The following CUBN variants were observed in gnomAD, a reference collection of about 807,000 sequenced individuals.
CUBN encodes the protein 460 kDa receptor.
CUBN carries 282 observed loss-of-function variants against 405.3 expected under a neutral mutation model. That is an observed-to-expected ratio of 0.70 (90% CI 0.63 to 0.77). The LOEUF (loss-of-function observed/expected upper bound fraction) is 0.77, where lower values mean the gene tolerates loss of function less well. Ranked by LOEUF, CUBN falls within the 30% of genes least tolerant of loss-of-function variation. The pLI is 0.00. For missense variants in CUBN, 4,514 were observed against 4,475.2 expected (o/e 1.01, Z -0.25); for synonymous variants, 1,684 against 1,617.0 (o/e 1.04, Z -0.99).
intron 22 of CUBN, among the ~76,000 whole-genome samples, chr10:17,064,747 CAA>C (rs1835575670): frequency 6.6e-6 from 1 of 152,130 alleles, no homozygotes; most frequent in South Asian, 2.1e-4. Context: ...CATCTTACCT[CAA>C]AGACTGTGCC....
intron 54 of CUBN, among the ~76,000 whole-genome samples, 179 bp downstream of exon 54, chr10:16,898,817 G>A (rs969017474): frequency 3.3e-5 from 5 of 152,088 alleles, no homozygotes; most frequent in Non-Finnish European, 7.4e-5. Flanking sequence ...TATTAGAAAA[G>A]TAAGAAAGAA....
At chr10:16,847,733 C>T (rs1218490336) in intron 60 of CUBN, among the ~76,000 whole-genome samples, 3 of 152,132 alleles carry the variant, frequency 2.0e-5, no homozygotes, top group African/African-American at 4.8e-5. Context: ...CAATTCACTA[C>T]GTGATTCAGT....
chr10:17,018,533 G>A (rs886924181), intron 28 of CUBN, among the ~76,000 whole-genome samples: 3 of 152,220 alleles, frequency 2.0e-5, no homozygotes, highest in Non-Finnish European at 4.4e-5. Flanking sequence ...CATTAAGGTA[G>A]TGTGGACCCA....
At chr10:16,840,576 C>A in intron 61 of CUBN, 41 bp from the exon 62 acceptor site, 38 of 1,453,848 alleles carry the variant, frequency 2.6e-5, no homozygotes, top group Non-Finnish European at 3.3e-5. Context: ...ACATTTTATT[C>A]ATGTCTCATC....
At chr10:16,981,629 G>A (rs980416036) in intron 31 of CUBN, among the ~76,000 whole-genome samples, 3 of 152,136 alleles carry the variant, frequency 2.0e-5, no homozygotes, top group Non-Finnish European at 4.4e-5. Context: ...AAGCTTGGAC[G>A]CTGCCGTGGG....
chr10:16,891,914 T>C (rs367684404), intron 54 of CUBN, among the ~76,000 whole-genome samples: 1 of 152,122 alleles, frequency 6.6e-6, no homozygotes, highest in East Asian at 1.9e-4. Flanking sequence ...ATGCCCTTTC[T>C]ATCAACAGAC....
chr10:17,125,905 T>C (rs1335704296), intron 4 of CUBN, among the ~76,000 whole-genome samples: 1 of 152,120 alleles, frequency 6.6e-6, no homozygotes, highest in African/African-American at 2.4e-5. Context: ...ATTATCTAAG[T>C]GGAGAAAAGG....
chr10:16,968,778 G>C (rs1347608226), intron 31 of CUBN, among the ~76,000 whole-genome samples: 1 of 152,242 alleles, frequency 6.6e-6, no homozygotes, highest in Admixed American at 6.5e-5. Context: ...TTCGTGAAAG[G>C]AAACGTAATG....
chr10:16,866,389 T>C (rs1840184136), intron 59 of CUBN, among the ~76,000 whole-genome samples: 1 of 152,110 alleles, frequency 6.6e-6, no homozygotes, highest in Admixed American at 6.6e-5. Flanking sequence ...AAGTGATTTG[T>C]ACAGGACACA....
intron 66 of CUBN, among the ~76,000 whole-genome samples, chr10:16,825,627 C>CTG (rs1377715842): frequency 2.5e-5 from 2 of 80,628 alleles, no homozygotes; most frequent in South Asian, 4.3e-4. Context: ...TTCTGTGGAA[C>CTG]AGTGTGTGTG....
At chr10:16,829,342 G>GAAAAAAAAAAAAAA (rs71287326) in intron 65 of CUBN, among the ~76,000 whole-genome samples, 2 of 121,158 alleles carry the variant, frequency 1.7e-5, no homozygotes. Context: ...GAGCAGAATG[G>GAAAAAAAAAAAAAA]AAAAAAAAAA....
intron 31 of CUBN, among the ~76,000 whole-genome samples, chr10:16,964,935 C>T (rs1325174162): frequency 2.0e-5 from 3 of 152,210 alleles, no homozygotes; most frequent in African/African-American, 7.2e-5. Context: ...GTTCCACAAA[C>T]CCCGAAAATC....
intron 28 of CUBN, among the ~76,000 whole-genome samples, chr10:16,991,699 A>G (rs1225772737): frequency 7.1e-6 from 1 of 141,710 alleles, no homozygotes; most frequent in Non-Finnish European, 1.5e-5. Context: ...CTTATTCTTC[A>G]TCAAGGCTTT....
chr10:17,009,496 C>T (rs552841835), intron 28 of CUBN, among the ~76,000 whole-genome samples: 1 of 152,366 alleles, frequency 6.6e-6, no homozygotes, highest in South Asian at 2.1e-4. Context: ...CATGACCGTT[C>T]AATCAAGCTC....
In CUBN at chr10:16,834,692, T is replaced by C. The variant is rs572889227; in HGVS notation, c.10362+322A>G. ...GGTCTCAACTTACATATTGCCCTCTTGAGCCTTCTAGTTCCCAGACTGAGT... is the reference window on the plus strand; with the variant it reads ...GGTCTCAACTTACATATTGCCCTCTCGAGCCTTCTAGTTCCCAGACTGAGT... On this transcript the variant is annotated intron_variant, in intron 64 of 66. Coordinates refer to ENST00000377833, the MANE Select transcript of CUBN (RefSeq NM_001081.4). Among the ~76,000 whole-genome samples, 3 of 152,296 alleles carry C rather than the reference T, an allele frequency of 2.0e-5. No homozygotes were observed. The South Asian group carries it at 6.2e-4, about 32-fold the overall frequency.
chr10:17,062,429 T>C (rs1294210842), intron 22 of CUBN, among the ~76,000 whole-genome samples: 4 of 152,232 alleles, frequency 2.6e-5, no homozygotes, highest in Admixed American at 1.3e-4. Flanking sequence ...TAGTCAATTA[T>C]AGTCTCTCAG....
intron 28 of CUBN, among the ~76,000 whole-genome samples, chr10:16,993,094 A>G (rs1042325722): frequency 1.3e-5 from 2 of 152,202 alleles, no homozygotes; most frequent in African/African-American, 4.8e-5. Context: ...CTTTTACTAA[A>G]ATACATTACA....
intron 15 of CUBN, among the ~76,000 whole-genome samples, chr10:17,087,460 A>ATTTTTTTTTTTTT (rs1564510318): frequency 6.1e-5 from 6 of 99,126 alleles, no homozygotes; most frequent in East Asian, 2.9e-4. Flanking sequence ...AATCACTATT[A>ATTTTTTTTTTTTT]TTTTTCTTTT....
At chr10:16,835,372 A>G (rs1006616618) in intron 63 of CUBN, among the ~76,000 whole-genome samples, 177 bp from the exon 64 acceptor site, 8 of 152,258 alleles carry the variant, frequency 5.3e-5, no homozygotes, top group Non-Finnish European at 7.3e-5. Context: ...GAATTGCTCA[A>G]GCAGCACACA....
Sources: allele counts gnomAD v4.1 joint callset (sites outside exome capture counted in the v4.1 genomes callset), GRCh38; gene constraint gnomAD v4.1.1; transcripts MANE v1.5; gene names NCBI Gene and HGNC (gene_info 2026-07-23, HGNC 2026-07-21).